KIAA1217: variants seen among roughly 807,000 people sequenced by gnomAD.
KIAA1217 encodes KIAA1217.
A neutral mutation model predicts 163.9 loss-of-function variants in KIAA1217; 88 were observed. The ratio of observed to expected loss-of-function variants is 0.54; its 90% CI spans 0.45 to 0.64. The LOEUF (loss-of-function observed/expected upper bound fraction) is 0.64, where lower values mean the gene tolerates loss of function less well. Among genes scored for constraint, KIAA1217 ranks in the 30% least tolerant of loss-of-function variants. The pLI, the probability that KIAA1217 is intolerant of heterozygous loss-of-function variation, is 0.00. For synonymous variants in KIAA1217, 903 were observed against 923.1 expected, an observed-to-expected ratio of 0.98 and a Z score of 0.39; for missense variants, 2,372 against 2,475.0, an observed-to-expected ratio of 0.96 and a Z score of 0.88.
chr10:23,708,602 G>A (rs11013649), intron 1 of KIAA1217, among the ~76,000 whole-genome samples: 2,297 of 152,226 alleles, frequency 0.015, 52 homozygotes, highest in African/African-American at 0.052. Context: ...GGCCCAATAT[G>A]TACAGGCCTT....
At chr10:23,987,074 G>C (rs547956805) in intron 1 of KIAA1217, among the ~76,000 whole-genome samples, 50 of 151,992 alleles carry the variant, frequency 3.3e-4, no homozygotes, top group Admixed American at 1.3e-3. Flanking sequence ...ATGTTAAAAA[G>C]GTTTCCAAAA....
chr10:24,319,120 G>A (rs1335310833), intron 2 of KIAA1217, among the ~76,000 whole-genome samples: 2 of 152,200 alleles, frequency 1.3e-5, no homozygotes, highest in African/African-American at 4.8e-5. Flanking sequence ...GCTCACGCCT[G>A]TAATCCCAAC....
intron 1 of KIAA1217, among the ~76,000 whole-genome samples, chr10:23,795,525 A>G (rs1462351002): frequency 6.6e-6 from 1 of 152,222 alleles, no homozygotes; most frequent in Non-Finnish European, 1.5e-5. Flanking sequence ...CATTTCAGGA[A>G]ACCAGAAGTT....
intron 1 of KIAA1217, among the ~76,000 whole-genome samples, chr10:23,865,619 A>G (rs1840145664): frequency 1.3e-5 from 2 of 151,874 alleles, no homozygotes; most frequent in South Asian, 2.1e-4. Flanking sequence ...TTATAGCTTT[A>G]GAGGTGCTTA....
intron 2 of KIAA1217, among the ~76,000 whole-genome samples, chr10:24,347,464 A>G (rs1490303564): frequency 6.6e-6 from 1 of 152,116 alleles, no homozygotes; most frequent in Admixed American, 6.6e-5. Flanking sequence ...AAAAAGAAAA[A>G]CTTTGTCATT....
chr10:24,322,797 A>G (rs1450999421), intron 2 of KIAA1217, among the ~76,000 whole-genome samples: 1 of 152,184 alleles, frequency 6.6e-6, no homozygotes, highest in Non-Finnish European at 1.5e-5. Context: ...CTAGGACTGA[A>G]ATGAATAGGA....
At chr10:23,790,991 C>A (rs1835920369) in intron 1 of KIAA1217, among the ~76,000 whole-genome samples, 1 of 152,028 alleles carries the variant, frequency 6.6e-6, no homozygotes, top group Non-Finnish European at 1.5e-5. Flanking sequence ...TGCCTTGGCC[C>A]TCCAAAGTGC....
chr10:23,732,881 T>C (rs562375525), intron 1 of KIAA1217, among the ~76,000 whole-genome samples: 4 of 152,302 alleles, frequency 2.6e-5, no homozygotes, highest in South Asian at 2.1e-4. Flanking sequence ...CTTTTTTTCT[T>C]ATATAATCTT....
intron 1 of KIAA1217, among the ~76,000 whole-genome samples, chr10:23,873,809 C>T (rs960488345): frequency 1.3e-5 from 2 of 151,920 alleles, no homozygotes; most frequent in Admixed American, 6.6e-5. Context: ...CAATGTTTCA[C>T]CATTGTAAGT....
intron 2 of KIAA1217, among the ~76,000 whole-genome samples, chr10:24,073,282 A>C (rs2061253649): frequency 6.6e-6 from 1 of 151,966 alleles, no homozygotes; most frequent in Non-Finnish European, 1.5e-5. Context: ...AGGGGTCTAG[A>C]TTTCCTGGGC....
chr10:24,439,428 G>A (rs536729214), intron 5 of KIAA1217, among the ~76,000 whole-genome samples: 9 of 152,236 alleles, frequency 5.9e-5, no homozygotes, highest in South Asian at 2.1e-4. Context: ...GTTCTGTCTT[G>A]GAGCTGCAGT....
chr10:24,118,568 G>A (rs1240714524), intron 2 of KIAA1217, among the ~76,000 whole-genome samples: 1 of 152,194 alleles, frequency 6.6e-6, no homozygotes, highest in Non-Finnish European at 1.5e-5. Context: ...AAACAGCACC[G>A]GGCTGAGTGA....
intron 2 of KIAA1217, among the ~76,000 whole-genome samples, chr10:24,320,464 C>T (rs1307435144): frequency 6.6e-6 from 1 of 152,162 alleles, no homozygotes; most frequent in Non-Finnish European, 1.5e-5. Flanking sequence ...TTCTCCTAAT[C>T]CTGGTTTGCA....
intron 1 of KIAA1217, among the ~76,000 whole-genome samples, chr10:23,826,706 T>G (rs1198223177): frequency 6.6e-6 from 1 of 152,112 alleles, no homozygotes; most frequent in Non-Finnish European, 1.5e-5. Flanking sequence ...TAGTTGCTGT[T>G]CTTCTGTGTT....
At chr10:23,856,021 A>G (rs1216598195) in intron 1 of KIAA1217, among the ~76,000 whole-genome samples, 2 of 152,214 alleles carry the variant, frequency 1.3e-5, no homozygotes, top group Non-Finnish European at 2.9e-5. Flanking sequence ...CGTGAAAGTC[A>G]TTCTCCGTCC....
intron 2 of KIAA1217, among the ~76,000 whole-genome samples, chr10:24,260,513 G>C (rs1447388016): frequency 1.3e-5 from 2 of 150,782 alleles, no homozygotes; most frequent in Admixed American, 1.3e-4. Context: ...ACTTTGGGAG[G>C]CTGAGTCAGA....
chr10:23,943,337 T>C (rs1466311919), intron 1 of KIAA1217, among the ~76,000 whole-genome samples: 1 of 152,218 alleles, frequency 6.6e-6, no homozygotes, highest in Non-Finnish European at 1.5e-5. Context: ...TGATCAATTG[T>C]ATATTTATAC....
In KIAA1217 at chr10:24,105,667, C is replaced by T. The variant is rs147732075; in HGVS notation, c.-171+98293C>T. Among the ~76,000 whole-genome samples, 547 of 152,330 alleles carry T rather than the reference C, an allele frequency of 3.6e-3. 6 individuals carry two copies. Among genetic ancestry groups the T allele is most frequent in the African/African-American group, 0.012 (498 of 41,574 alleles). On this transcript the variant is annotated intron_variant, in intron 2 of 18. Coordinates refer to the KIAA1217 transcript ENST00000376462. ...GGTCCTCTGTGAGGTTGCATTCCTT[C>T]TGAGCAGAATAGTTGCATTCATTTC...
chr10:24,106,816 C>T (rs1282698384), intron 2 of KIAA1217, among the ~76,000 whole-genome samples: 1 of 152,122 alleles, frequency 6.6e-6, no homozygotes, highest in East Asian at 1.9e-4. Context: ...AAATCCCCAC[C>T]AGTTATTTCA....
Sources: allele counts gnomAD v4.1 joint callset (sites outside exome capture counted in the v4.1 genomes callset), GRCh38; gene constraint gnomAD v4.1.1; transcripts MANE v1.5; gene names NCBI Gene and HGNC (gene_info 2026-07-23, HGNC 2026-07-21).